Variants in LHX8 observed in about 807,000 individuals in gnomAD.
LHX8 encodes LIM homeobox 8.
In LHX8, 12 loss-of-function variants were observed where a neutral mutation model predicts 40.3. The ratio of observed to expected loss-of-function variants is 0.30; its 90% CI spans 0.19 to 0.48. LHX8 has a LOEUF of 0.48. Ranked by LOEUF, LHX8 falls within the 20% of genes least tolerant of loss-of-function variation. LHX8 has a pLI of 0.99. For missense variants in LHX8, 344 were observed against 433.7 expected (o/e 0.79, Z 1.84); for synonymous variants, 179 against 162.0 (o/e 1.10, Z -0.80).
the LHX8 span, among the ~76,000 whole-genome samples, chr1:75,180,796 T>C: frequency 1.3e-5 from 2 of 152,202 alleles, no homozygotes; most frequent in African/African-American, 4.8e-5. Context: ...TTTTCAGCTT[T>C]TCTGCTCTGG....
chr1:75,195,253 T>C, the LHX8 span, among the ~76,000 whole-genome samples: 1 of 152,094 alleles, frequency 6.6e-6, no homozygotes. Context: ...AGATGAGAAA[T>C]CTGAGTCTCT....
the LHX8 span, among the ~76,000 whole-genome samples, chr1:75,178,686 G>T: frequency 6.6e-6 from 1 of 152,076 alleles, no homozygotes; most frequent in Non-Finnish European, 1.5e-5. Context: ...GTTCTGCTCT[G>T]ATCTTAGTTA....
intron 6 of LHX8, among the ~76,000 whole-genome samples, chr1:75,148,008 T>C (rs1401006342): frequency 1.3e-5 from 2 of 152,184 alleles, no homozygotes; most frequent in Non-Finnish European, 2.9e-5. Context: ...TTTTAAAATA[T>C]ATACATGTTT....
downstream of LHX8, among the ~76,000 whole-genome samples, chr1:75,165,247 C>A (rs1159556981): frequency 6.6e-6 from 1 of 152,134 alleles, no homozygotes; most frequent in Non-Finnish European, 1.5e-5. Context: ...TGCTCTCATT[C>A]AACAGATGAG....
intron 3 of LHX8, 65 bp downstream of exon 3, chr1:75,137,326 G>A: frequency 1.3e-6 from 2 of 1,501,198 alleles, no homozygotes; most frequent in South Asian, 2.3e-5. Flanking sequence ...TCTGGGAAAA[G>A]AGTAATGTTC....
At position 75,161,157 on chromosome 1, in the gene LHX8, G is replaced by C; in HGVS notation, c.*262G>C. The C allele has an allele frequency of 2.4e-6, 1 of 409,032 alleles. No homozygotes were observed. The highest frequency in any genetic ancestry group is 4.4e-6 in the Non-Finnish European group (1 of 225,288). The allele number at this position is 409,032 out of a possible 1,614,324, so 25.3% of individuals were successfully genotyped here. A position where few individuals can be genotyped will look rare whatever the true frequency, so the allele number is the denominator to read the frequency against. ...GTCTGGAAATAGTTCACTCTAGTGT[G>C]TATCTGTTAATTTATTTGTCATCAA... On this transcript the variant is annotated 3_prime_UTR_variant, in exon 9 of 9. Transcript: ENST00000356261.
chr1:75,191,131 C>A, the LHX8 span, among the ~76,000 whole-genome samples: 8 of 152,050 alleles, frequency 5.3e-5, no homozygotes, highest in East Asian at 1.5e-3. Flanking sequence ...CTTCCCCTGA[C>A]ACTCCTCTGG....
chr1:75,195,632 T>C, the LHX8 span, among the ~76,000 whole-genome samples: 1 of 152,204 alleles, frequency 6.6e-6, no homozygotes, highest in South Asian at 2.1e-4. Context: ...CTTGTTATTC[T>C]ATACTTTGAG....
chr1:75,137,228 C>T lies in LHX8; in HGVS notation c.204C>T (p.Cys68=), dbSNP rs1326114019. The change falls in exon 3 of 9, where the codon TGC becomes TGT. Residue 68 remains cysteine (C), a synonymous_variant. Transcript: ENST00000356261. ...CTGGCAAGTGTGTGTGCAACAGTTGCGGCCTGGAGATCGTGGACAAATACC... is the reference window on the plus strand; with the variant it reads ...CTGGCAAGTGTGTGTGCAACAGTTGTGGCCTGGAGATCGTGGACAAATACC... ...CPPGKCVCNS[C]GLEIVDKYLL... 1.4e-5 allele frequency: 23 copies of T among 1,613,568 alleles called. No homozygotes were observed. The highest frequency in any genetic ancestry group is 1.9e-5 in the Non-Finnish European group (23 of 1,179,966).
intron 1 of LHX8, among the ~76,000 whole-genome samples, chr1:75,135,332 C>T (rs1051405828): frequency 2.0e-5 from 3 of 152,234 alleles, no homozygotes; most frequent in African/African-American, 7.2e-5. Context: ...CTCAGCAGGA[C>T]GCGCGCGGGG....
In LHX8 at chr1:75,148,601, A is replaced by G. The variant is rs777062178; in HGVS notation, c.699A>G (p.Gln233=). The change falls in exon 7 of 9, where the codon CAA becomes CAG. Residue 233 remains glutamine, a synonymous_variant. Coordinates refer to ENST00000356261, the MANE Select transcript of LHX8 (RefSeq NM_001256114.2). ...TTAAACAACAGGTTATGCAAGCACA[A>G]TTTGCTCAGGACAACAACCCAGATG... ...TADQLQVMQA[Q]FAQDNNPDAQ... The G allele has an allele frequency of 1.3e-4, 216 of 1,613,820 alleles. No individual in the cohort carries two copies. The East Asian group carries it at 4.3e-3, about 32-fold the overall frequency.
chr1:75,144,359 CTT>C lies in LHX8; in HGVS notation c.684+413_684+414del, dbSNP rs2100342472. ...GTCTATGGGACGCTAATGTGTTAGT[CTT>C]TGTAACAAACTGCAATGAGTCATTT... is the stretch of plus-strand genomic sequence containing the variant. On this transcript the variant is annotated intron_variant, in intron 6 of 8. Transcript: ENST00000356261. Among the ~76,000 whole-genome samples the C allele has an allele frequency of 2.0e-5, 3 of 152,174 alleles. No homozygotes were observed. In the South Asian group the frequency reaches 6.2e-4, roughly 32 times the overall value.
intron 3 of LHX8, 45 bp from the exon 4 acceptor site, chr1:75,140,940 C>A: frequency 6.2e-7 from 1 of 1,607,970 alleles, no homozygotes; most frequent in Non-Finnish European, 8.5e-7. Context: ...CCAATGAATA[C>A]TTTTCTTAAA....
At chr1:75,151,576 A>G (rs890315594) in intron 7 of LHX8, among the ~76,000 whole-genome samples, 4 of 152,238 alleles carry the variant, frequency 2.6e-5, no homozygotes, top group Admixed American at 2.6e-4. Flanking sequence ...GTGTTCACTC[A>G]TAATGAATTT....
the LHX8 span, among the ~76,000 whole-genome samples, chr1:75,190,289 T>A: frequency 4.6e-5 from 7 of 152,174 alleles, no homozygotes; most frequent in Admixed American, 4.6e-4. Flanking sequence ...TTAAATAGAC[T>A]TTTTTGGGGC....
At chr1:75,174,411 A>G in the LHX8 span, among the ~76,000 whole-genome samples, 1 of 152,172 alleles carries the variant, frequency 6.6e-6, no homozygotes, top group Non-Finnish European at 1.5e-5. Flanking sequence ...ACTCAGCTAT[A>G]GTCCCTCCCT....
chr1:75,131,047 G>T (rs1425153504), upstream of LHX8: 4 of 447,842 alleles, frequency 8.9e-6, no homozygotes, highest in Non-Finnish European at 1.6e-5. Flanking sequence ...GGCGGTGAGG[G>T]CCGCGGGCCA....
At chr1:75,149,247 A>C (rs954375644) in intron 7 of LHX8, among the ~76,000 whole-genome samples, 6 of 152,226 alleles carry the variant, frequency 3.9e-5, no homozygotes, top group African/African-American at 1.4e-4. Flanking sequence ...AATTAGTGCA[A>C]GTTTTTTCAA....
intron 8 of LHX8, chr1:75,160,316 A>G (rs1253561668): frequency 6.5e-6 from 1 of 153,244 alleles, no homozygotes; most frequent in African/African-American, 2.4e-5. Context: ...GTTAGATAAA[A>G]AATCAGAGCC....
Sources: allele counts gnomAD v4.1 joint callset (sites outside exome capture counted in the v4.1 genomes callset), GRCh38; gene constraint gnomAD v4.1.1; transcripts MANE v1.5; gene names NCBI Gene and HGNC (gene_info 2026-07-23, HGNC 2026-07-21).